Variants in GRID2 observed in about 807,000 individuals in gnomAD.
The protein encoded by GRID2 is glutamate receptor ionotropic, delta-2.
Under a neutral mutation model 114.8 loss-of-function variants are expected in GRID2, and 33 were observed. The ratio of observed to expected loss-of-function variants is 0.29; its 90% CI spans 0.22 to 0.38. The LOEUF (loss-of-function observed/expected upper bound fraction) is 0.38, where lower values mean the gene tolerates loss of function less well. Ranked by LOEUF, GRID2 falls within the 10% of genes least tolerant of loss-of-function variation. GRID2 has a pLI of 1.00. For missense variants in GRID2, 1,184 were observed against 1,257.7 expected (o/e 0.94, Z 0.89); for synonymous variants, 505 against 449.9 (o/e 1.12, Z -1.55).
chr4:93,517,958 T>C (rs1354741236), intron 13 of GRID2, among the ~76,000 whole-genome samples: 1 of 36,710 alleles, frequency 2.7e-5, no homozygotes, highest in African/African-American at 1.2e-4. Flanking sequence ...CATGTATATG[T>C]ATGTATATAC....
At chr4:93,352,171 G>A (rs953202465) in intron 8 of GRID2, among the ~76,000 whole-genome samples, 38 of 151,970 alleles carry the variant, frequency 2.5e-4, no homozygotes, top group African/African-American at 8.7e-4. Context: ...TTCCAAGCCA[G>A]GCATTCTCAT....
At chr4:92,928,585 T>A (rs895720866) in intron 2 of GRID2, among the ~76,000 whole-genome samples, 4 of 151,624 alleles carry the variant, frequency 2.6e-5, no homozygotes, top group Non-Finnish European at 5.9e-5. Context: ...TTACATAATT[T>A]CTCCTAACAT....
chr4:92,456,652 G>A (rs971436564), intron 1 of GRID2, among the ~76,000 whole-genome samples: 2 of 152,054 alleles, frequency 1.3e-5, no homozygotes, highest in African/African-American at 4.8e-5. Flanking sequence ...TCTAATCTAT[G>A]TATCACTTTT....
At chr4:93,345,485 A>T (rs982386154) in intron 8 of GRID2, among the ~76,000 whole-genome samples, 1 of 152,006 alleles carries the variant, frequency 6.6e-6, no homozygotes, top group Non-Finnish European at 1.5e-5. Context: ...CCCATTTTTC[A>T]ATCAGTTTAT....
intron 9 of GRID2, among the ~76,000 whole-genome samples, chr4:93,407,838 C>T (rs1000246881): frequency 6.7e-6 from 1 of 148,714 alleles, no homozygotes; most frequent in African/African-American, 2.5e-5. Context: ...CCTCCTCCTC[C>T]TCCTCCTCCA....
At chr4:93,616,344 G>A (rs1395195879) in intron 13 of GRID2, among the ~76,000 whole-genome samples, 3 of 151,392 alleles carry the variant, frequency 2.0e-5, no homozygotes, top group Non-Finnish European at 4.4e-5. Flanking sequence ...AGGAGCTCGA[G>A]ACCCGCCTGT....
chr4:92,513,611 T>A (rs890204521), intron 1 of GRID2, among the ~76,000 whole-genome samples: 1 of 151,888 alleles, frequency 6.6e-6, no homozygotes, highest in Non-Finnish European at 1.5e-5. Context: ...GTACTTATTA[T>A]CATTGTAACT....
At chr4:92,957,429 G>A (rs1752490431) in intron 2 of GRID2, among the ~76,000 whole-genome samples, 1 of 151,876 alleles carries the variant, frequency 6.6e-6, no homozygotes, top group Non-Finnish European at 1.5e-5. Context: ...CCACTGTATT[G>A]TCTTTTCGCC....
intron 1 of GRID2, among the ~76,000 whole-genome samples, chr4:92,578,211 G>A (rs1177919943): frequency 6.7e-6 from 1 of 149,896 alleles, no homozygotes; most frequent in Non-Finnish European, 1.5e-5. Flanking sequence ...CTGGTGTGCT[G>A]CACCCATTGA....
At chr4:93,467,335 G>T (rs1580167539) in intron 11 of GRID2, among the ~76,000 whole-genome samples, 1 of 152,106 alleles carries the variant, frequency 6.6e-6, no homozygotes, top group South Asian at 2.1e-4. Flanking sequence ...TACCGATTTT[G>T]CTGAGAACAA....
intron 14 of GRID2, among the ~76,000 whole-genome samples, chr4:93,700,823 G>C (rs1727443241): frequency 6.6e-6 from 1 of 152,024 alleles, no homozygotes. Context: ...GTTTGGAAGG[G>C]GATTGCACGT....
chr4:92,962,231 T>A (rs1316011868), intron 2 of GRID2, among the ~76,000 whole-genome samples: 1 of 151,932 alleles, frequency 6.6e-6, no homozygotes, highest in African/African-American at 2.4e-5. Context: ...GTATGCCTTG[T>A]TTTTTTAATA....
rs184396963 is a variant in GRID2, at chr4:93,391,905, A to G, written c.1246-3702A>G. Among the ~76,000 whole-genome samples, 188 of 152,276 alleles carry G rather than the reference A, an allele frequency of 1.2e-3. 3 individuals are homozygous for G. The highest frequency in any genetic ancestry group is 2.8e-4 in the Non-Finnish European group (19 of 68,022). ...GATTATTATTGCCAAAGCTCCAATG[A>G]AGGAAATAATTAAAGCACTAGGCAT... On this transcript the variant is annotated intron_variant, in intron 8 of 15. Transcript: ENST00000282020.
At chr4:92,768,933 G>T (rs1214159514) in intron 2 of GRID2, among the ~76,000 whole-genome samples, 2 of 152,118 alleles carry the variant, frequency 1.3e-5, no homozygotes, top group Non-Finnish European at 2.9e-5. Context: ...TGCCCTGACT[G>T]CTCCCAAATC....
At chr4:92,348,562 CTTATAATTAAATCAGTGCT>C (rs1317426284) in intron 1 of GRID2, among the ~76,000 whole-genome samples, 1 of 152,054 alleles carries the variant, frequency 6.6e-6, no homozygotes, top group Non-Finnish European at 1.5e-5. Flanking sequence ...TTTCAGCTTT[CTTATAATTAAATCAGTGCT>C]TTATACCTGT....
intron 2 of GRID2, among the ~76,000 whole-genome samples, chr4:92,629,130 A>G (rs761367667): frequency 2.6e-5 from 4 of 152,032 alleles, no homozygotes; most frequent in Non-Finnish European, 5.9e-5. Flanking sequence ...ATGTCTTTGT[A>G]TATGTTACCT....
chr4:93,121,086 A>G (rs1733741463), intron 4 of GRID2, among the ~76,000 whole-genome samples: 1 of 152,202 alleles, frequency 6.6e-6, no homozygotes, highest in South Asian at 2.1e-4. Context: ...CCCAGAACTT[A>G]AAGTATAATA....
chr4:93,613,104 C>T (rs894071730), intron 13 of GRID2, among the ~76,000 whole-genome samples: 11 of 142,988 alleles, frequency 7.7e-5, no homozygotes, highest in Admixed American at 2.1e-4. Flanking sequence ...TTGATTGCAT[C>T]GGCTCCTGAG....
At chr4:92,329,398 G>A (rs773882345) in intron 1 of GRID2, among the ~76,000 whole-genome samples, 1 of 151,894 alleles carries the variant, frequency 6.6e-6, no homozygotes, top group Admixed American at 6.6e-5. Flanking sequence ...ATGCTGAATT[G>A]CATGAACTCA....
Sources: allele counts gnomAD v4.1 joint callset (sites outside exome capture counted in the v4.1 genomes callset), GRCh38; gene constraint gnomAD v4.1.1; transcripts MANE v1.5; gene names NCBI Gene and HGNC (gene_info 2026-07-23, HGNC 2026-07-21).